CDCA8: variants seen among roughly 807,000 people sequenced by gnomAD.
CDCA8 encodes borealin.
A neutral mutation model predicts 40.0 loss-of-function variants in CDCA8; 25 were observed. The ratio of observed to expected loss-of-function variants is 0.63; its 90% CI spans 0.46 to 0.87. CDCA8 has a LOEUF of 0.87. CDCA8 is among the 40% of genes least tolerant of loss of function. The pLI is 0.00. For synonymous variants in CDCA8, 111 were observed against 126.5 expected, an observed-to-expected ratio of 0.88 and a Z score of 0.82; for missense variants, 280 against 348.4, an observed-to-expected ratio of 0.80 and a Z score of 1.56.
intron 9 of CDCA8, among the ~76,000 whole-genome samples, chr1:37,708,013 G>A (rs1452853792): frequency 6.6e-6 from 1 of 152,128 alleles, no homozygotes; most frequent in African/African-American, 2.4e-5. Context: ...GGCGGGGCTG[G>A]TTTCCTAAAC....
rs868091658 is a variant in CDCA8, at chr1:37,709,529, T to G, written c.*1163T>G. ...CATGTAGGGCTCTCTGTGGTATTTGTTATTATTTTGCAACAAGACCATTTT... is the reference window on the plus strand; with the variant it reads ...CATGTAGGGCTCTCTGTGGTATTTGGTATTATTTTGCAACAAGACCATTTT... On this transcript the variant is annotated 3_prime_UTR_variant, in exon 10 of 10. Coordinates refer to ENST00000373055, the MANE Select transcript of CDCA8 (RefSeq NM_001256875.2). 49 of 152,300 alleles carry G rather than the reference T, an allele frequency of 3.2e-4. No individual in the cohort carries two copies. Among genetic ancestry groups the G allele is most frequent in the Middle Eastern group, 3.4e-3 (1 of 294 alleles). The allele number at this position is 152,300 out of a possible 1,614,324, so 9.4% of individuals were successfully genotyped here. A position where few individuals can be genotyped will look rare whatever the true frequency, so the allele number is the denominator to read the frequency against.
At chr1:37,707,223 A>G (rs949927863) in intron 9 of CDCA8, among the ~76,000 whole-genome samples, 159 bp downstream of exon 9, 1 of 152,198 alleles carries the variant, frequency 6.6e-6, no homozygotes, top group African/African-American at 2.4e-5. Flanking sequence ...CTACTTAGAT[A>G]GCAGCAGTTC....
Position 37,703,268 on chromosome 1 carries a change from A to G in CDCA8, c.505A>G (p.Thr169Ala). The G allele has an allele frequency of 6.2e-7, 1 of 1,613,658 alleles. No homozygotes were observed. Among genetic ancestry groups the G allele is most frequent in the South Asian group, 1.1e-5 (1 of 91,048 alleles). ...GKGKRSSRAN[T>A]VTPAVGRLEV... ...TACCTGTAGGTCAAGCCGTGCTAAC[A>G]CTGTTACCCCAGCCGTGGGCCGATT... The change falls in exon 7 of 10, where the codon ACT (threonine) becomes GCT (alanine). Residue 169 changes from threonine to alanine, a missense_variant. Thr to Ala is a moderately conservative substitution (Grantham distance 58, BLOSUM62 0). Transcript: ENST00000373055.
rs765871385 is a variant in CDCA8 at position 37,703,239 on chromosome 1, T to G, written c.489-13T>G. 4.4e-6 allele frequency: 7 copies of G among 1,608,076 alleles called. No individual in the cohort carries two copies. The highest frequency in any genetic ancestry group is 6.0e-6 in the Non-Finnish European group (7 of 1,175,214). On this transcript the variant is annotated splice_polypyrimidine_tract_variant and intron_variant, in intron 6 of 9. Transcript: ENST00000373055. ...GAGAGTTGGCATACCTGATGGCCAT[T>G]TCTTACCTGTAGGTCAAGCCGTGCT...
At position 37,700,469 on chromosome 1, in the gene CDCA8, TGGAAGA is replaced by T; in HGVS notation, c.378_383del (p.Glu130_Glu131del). 1.2e-6 allele frequency: 2 copies of T among 1,611,206 alleles called. No individual in the cohort carries two copies. Among genetic ancestry groups the T allele is most frequent in the East Asian group, 2.2e-5 (1 of 44,846 alleles). On this transcript the variant is annotated inframe_deletion, in exon 5 of 10. Coordinates refer to ENST00000373055, the MANE Select transcript of CDCA8 (RefSeq NM_001256875.2). ...GTAATACAGGTAGATGAAATGATAGTGGAAGAGGAAGAAGAAGAAGAAAATGAACGT... is the reference window on the plus strand; with the variant it reads ...GTAATACAGGTAGATGAAATGATAGTGGAAGAAGAAGAAGAAAATGAACGT...
At chr1:37,700,564 C>A in intron 5 of CDCA8, 43 bp downstream of exon 5, 1 of 1,123,794 alleles carries the variant, frequency 8.9e-7, no homozygotes, top group Non-Finnish European at 1.4e-6. Context: ...TATCACAAGA[C>A]AAGCAAATAC....
At chr1:37,698,858 T>C in intron 3 of CDCA8, 47 bp from the exon 4 acceptor site, 1 of 1,241,970 alleles carries the variant, frequency 8.1e-7, no homozygotes, top group Non-Finnish European at 1.2e-6. Context: ...TTGTTCCTCA[T>C]ATTTTGGTGG....
chr1:37,703,897 C>T (rs948307105), intron 7 of CDCA8, among the ~76,000 whole-genome samples: 10 of 152,016 alleles, frequency 6.6e-5, no homozygotes, highest in Admixed American at 4.6e-4. Context: ...TAGGAGGCCT[C>T]TAGGTGACGT....
intron 4 of CDCA8, among the ~76,000 whole-genome samples, chr1:37,699,460 G>A (rs1645548121): frequency 6.6e-6 from 1 of 152,088 alleles, no homozygotes; most frequent in South Asian, 2.1e-4. Context: ...GGCCAGGTGC[G>A]GTAGCTCACG....
At chr1:37,706,485 A>C (rs1301286615) in intron 8 of CDCA8, among the ~76,000 whole-genome samples, 1 of 152,172 alleles carries the variant, frequency 6.6e-6, no homozygotes, top group Non-Finnish European at 1.5e-5. Context: ...TGCCCTTAGA[A>C]AGCAGCTCAG....
chr1:37,692,533 C>A lies in CDCA8; in HGVS notation c.-158C>A. 1 of 646,598 alleles carries A rather than the reference C, an allele frequency of 1.5e-6. No individual in the cohort carries two copies. The highest frequency in any genetic ancestry group is 1.8e-5 in the South Asian group (1 of 56,560). The allele number at this position is 646,598 out of a possible 1,614,324, so 40.1% of individuals were successfully genotyped here. ...GGTTGACTGTAGAGCCGCTCTCTCT[C>A]ACTGGCACAGCGAGGTTTTGCTCAG... On this transcript the variant is annotated 5_prime_UTR_variant, in exon 1 of 10. Transcript: ENST00000373055.
intron 2 of CDCA8, among the ~76,000 whole-genome samples, chr1:37,695,202 A>G (rs1366955176): frequency 1.3e-5 from 2 of 151,886 alleles, no homozygotes; most frequent in African/African-American, 2.4e-5. Context: ...TAAAAAAAAT[A>G]ATTAAAAATA....
At chr1:37,703,147 G>A (rs1022352640) in intron 6 of CDCA8, 105 bp from the exon 7 acceptor site, 32 of 864,482 alleles carry the variant, frequency 3.7e-5, no homozygotes, top group Admixed American at 2.2e-4. Flanking sequence ...TGTGCGAGGC[G>A]CCCGGAGCAG....
At chr1:37,703,025 T>C (rs1645575110) in intron 6 of CDCA8, among the ~76,000 whole-genome samples, 1 of 151,942 alleles carries the variant, frequency 6.6e-6, no homozygotes, top group African/African-American at 2.4e-5. Flanking sequence ...CCTAATTGGA[T>C]ATGTGATCTT....
chr1:37,696,022 A>G lies in CDCA8; in HGVS notation c.264+72A>G, dbSNP rs615530. 0.48 allele frequency: 620,824 copies of G among 1,300,426 alleles called. 152,293 individuals are homozygous for G. Among genetic ancestry groups the G allele is most frequent in the East Asian group, 0.7 (30,019 of 42,978 alleles). 80.6% of individuals were successfully genotyped at this position (1,300,426 alleles called of 1,614,324 possible). A position where few individuals can be genotyped will look rare whatever the true frequency, so the allele number is the denominator to read the frequency against. ...TCCAGTCCCCAGATCCAACTAATAG[A>G]TGCTTACTGTGGAAGAGGTTTCATA... is the stretch of plus-strand genomic sequence containing the variant. On this transcript the variant is annotated intron_variant, in intron 3 of 9. Transcript: ENST00000373055. This position sits in a 1 kb window ranked among gnomAD's most constrained non-coding sequence, Gnocchi z 5.0.
Position 37,692,976 on chromosome 1 carries a change from A to G in CDCA8, c.166A>G (p.Ile56Val), listed in dbSNP as rs577147430. The G allele has an allele frequency of 7.7e-5, 125 of 1,613,782 alleles. No homozygotes were observed. The highest frequency in any genetic ancestry group is 8.9e-5 in the Non-Finnish European group (105 of 1,179,912). Residue 56 changes from isoleucine to valine, a missense_variant, in exon 2 of 10, where the codon ATC (isoleucine) becomes GTC (valine). Ile to Val is a conservative substitution (Grantham distance 29, BLOSUM62 3). Transcript: ENST00000373055. ...LLKEVDNLYN[I>V]EILRLPKALR... ...CAAGGAGGTGGATAACCTCTACAAC[A>G]TCGAGATCCTGCGGCTCCCCAAGGC... is the stretch of plus-strand genomic sequence containing the variant.
rs1304633992 is a variant in CDCA8, at chr1:37,692,557, A to G, written c.-134A>G. Reference sequence around the variant, plus strand: ...TCACTGGCACAGCGAGGTTTTGCTCAGCCCTTGTCTCGGGACCGCAGGTAC... The same window carrying G: ...TCACTGGCACAGCGAGGTTTTGCTCGGCCCTTGTCTCGGGACCGCAGGTAC... On this transcript the variant is annotated 5_prime_UTR_variant, in exon 1 of 10. Transcript: ENST00000373055. 9.9e-6 allele frequency: 7 copies of G among 707,426 alleles called. No homozygotes were observed. The highest frequency in any genetic ancestry group is 1.3e-5 in the Non-Finnish European group (5 of 396,480). The allele number at this position is 707,426 out of a possible 1,614,324, so 43.8% of individuals were successfully genotyped here.
Position 37,709,450 on chromosome 1 carries a change from A to C in CDCA8, c.*1084A>C, listed in dbSNP as rs967878121. 8 of 152,078 alleles carry C rather than the reference A, an allele frequency of 5.3e-5. No individual in the cohort carries two copies. Among genetic ancestry groups the C allele is most frequent in the Non-Finnish European group, 1.0e-4 (7 of 68,006 alleles). The allele number at this position is 152,078 out of a possible 1,614,324, so 9.4% of individuals were successfully genotyped here. On this transcript the variant is annotated 3_prime_UTR_variant, in exon 10 of 10. Transcript: ENST00000373055. ...CCTGGAGAATCATGTGCTATGTTCT[A>C]AGAATTTGAGAACTAGAGTCCTCAT...
chr1:37,704,895 C>CG (rs1403180612), intron 7 of CDCA8, among the ~76,000 whole-genome samples: 2 of 151,942 alleles, frequency 1.3e-5, no homozygotes, highest in African/African-American at 4.8e-5. Context: ...TGATCCACCC[C>CG]CCTCGGCCTC....
Sources: gnomAD v4.1 joint callset for allele counts (sites outside exome capture counted in the v4.1 genomes callset) on GRCh38, gnomAD v4.1.1 for gene constraint, Gnocchi (gnomAD v3.1) non-coding constraint, MANE v1.5 for transcripts, NCBI Gene and HGNC (gene_info 2026-07-23, HGNC 2026-07-21) for gene names.